Variants in CSRNP3 observed in about 807,000 individuals in gnomAD.
CSRNP3 encodes the protein cysteine and serine rich nuclear protein 3.
In CSRNP3, 12 loss-of-function variants were observed where a neutral mutation model predicts 48.0. The observed-to-expected ratio is 0.25, with a 90% CI of 0.16 to 0.41. CSRNP3 has a LOEUF of 0.41. Ranked by LOEUF, CSRNP3 falls within the 10% of genes least tolerant of loss-of-function variation. The pLI is 1.00. For synonymous variants in CSRNP3, 263 were observed against 269.7 expected (o/e 0.98, Z 0.24); for missense variants, 580 against 724.4 (o/e 0.80, Z 2.29).
chr2:165,568,551 GAAT>G (rs1441429531), intron 3 of CSRNP3, among the ~76,000 whole-genome samples: 11 of 152,080 alleles, frequency 7.2e-5, no homozygotes, highest in Non-Finnish European at 1.6e-4. Context: ...TCAGGGCAGT[GAAT>G]CCTCTTACAT....
intron 4 of CSRNP3, among the ~76,000 whole-genome samples, chr2:165,607,073 A>G (rs1573914376): frequency 6.6e-6 from 1 of 152,266 alleles, no homozygotes; most frequent in East Asian, 1.9e-4. Context: ...AATAGTTTAT[A>G]GTTTTTAAAT....
intron 6 of CSRNP3, 83 bp downstream of exon 6, chr2:165,676,691 A>G: frequency 7.8e-7 from 1 of 1,289,076 alleles, no homozygotes; most frequent in Non-Finnish European, 1.1e-6. Flanking sequence ...CCTATAATGA[A>G]GCTTCCCACA....
At chr2:165,542,385 G>T (rs1286109766) in intron 3 of CSRNP3, among the ~76,000 whole-genome samples, 25 of 152,098 alleles carry the variant, frequency 1.6e-4, no homozygotes, top group Admixed American at 1.6e-3. Context: ...TGTCAGCATT[G>T]GTGAAGATGC....
chr2:165,539,242 C>CAT (rs1684921978), intron 3 of CSRNP3, among the ~76,000 whole-genome samples: 1 of 151,866 alleles, frequency 6.6e-6, no homozygotes, highest in South Asian at 2.1e-4. Context: ...TACTCTGTGG[C>CAT]TTCATGTAAG....
At position 165,665,631 on chromosome 2, in the gene CSRNP3, G is replaced by A. The variant is rs539863274; in HGVS notation, c.408+7611G>A. 2.1e-3 allele frequency among the ~76,000 whole-genome samples: 322 copies of A among 152,106 alleles called. 2 individuals are homozygous for A. Among genetic ancestry groups the A allele is most frequent in the Non-Finnish European group, 3.9e-3 (265 of 67,990 alleles). On this transcript the variant is annotated intron_variant, in intron 5 of 6. Coordinates refer to ENST00000651982, the MANE Select transcript of CSRNP3 (RefSeq NM_001172173.2). Reference sequence around the variant, plus strand: ...TTAAAATTTAGCTGGGCAGTTGCATGTGCCTGTAGTCCCAGCTACTTGGAA... The same window carrying A: ...TTAAAATTTAGCTGGGCAGTTGCATATGCCTGTAGTCCCAGCTACTTGGAA...
chr2:165,631,242 G>T (rs533552682), intron 4 of CSRNP3, among the ~76,000 whole-genome samples: 2 of 152,220 alleles, frequency 1.3e-5, no homozygotes, highest in South Asian at 4.2e-4. Flanking sequence ...ATTGACTAGG[G>T]GCTAGAGACA....
chr2:165,629,600 G>A (rs1418118001), intron 4 of CSRNP3, among the ~76,000 whole-genome samples: 3 of 152,212 alleles, frequency 2.0e-5, no homozygotes, highest in Admixed American at 2.0e-4. Context: ...TTGGTTACTT[G>A]TTGGACCAGA....
chr2:165,494,518 A>G (rs1684261388), intron 1 of CSRNP3, among the ~76,000 whole-genome samples: 1 of 152,226 alleles, frequency 6.6e-6, no homozygotes. Context: ...TGCAGCAAAT[A>G]TATTCATATT....
chr2:165,631,519 G>A (rs1558956385), intron 4 of CSRNP3, among the ~76,000 whole-genome samples: 1 of 152,070 alleles, frequency 6.6e-6, no homozygotes, highest in Non-Finnish European at 1.5e-5. Flanking sequence ...TGCCTTTATA[G>A]CAGCCAATGG....
chr2:165,527,502 G>A (rs557730050), intron 3 of CSRNP3, among the ~76,000 whole-genome samples: 2 of 152,020 alleles, frequency 1.3e-5, no homozygotes, highest in East Asian at 1.9e-4. Flanking sequence ...ACCGTGCCCG[G>A]CCACTATTTG....
chr2:165,555,009 C>T (rs1444267500), intron 3 of CSRNP3, among the ~76,000 whole-genome samples: 1 of 152,164 alleles, frequency 6.6e-6, no homozygotes, highest in Non-Finnish European at 1.5e-5. Context: ...AGATCCTTTG[C>T]ATTTGCTATT....
intron 4 of CSRNP3, among the ~76,000 whole-genome samples, chr2:165,604,296 C>T (rs897617423): frequency 6.6e-6 from 1 of 152,172 alleles, no homozygotes; most frequent in Non-Finnish European, 1.5e-5. Flanking sequence ...GTGTATACTT[C>T]TTGCTACCTG....
At chr2:165,613,389 CT>C (rs1686172753) in intron 4 of CSRNP3, among the ~76,000 whole-genome samples, 1 of 152,096 alleles carries the variant, frequency 6.6e-6, no homozygotes, top group South Asian at 2.1e-4. Flanking sequence ...TGTGCACAAG[CT>C]TTTTATCCTG....
chr2:165,617,531 G>A (rs1686268098), intron 4 of CSRNP3, among the ~76,000 whole-genome samples: 1 of 152,158 alleles, frequency 6.6e-6, no homozygotes, highest in Admixed American at 6.5e-5. Flanking sequence ...ACAATCCTCA[G>A]GCCCCTAGGT....
intron 4 of CSRNP3, among the ~76,000 whole-genome samples, chr2:165,616,819 T>C (rs1686252087): frequency 6.6e-6 from 1 of 152,210 alleles, no homozygotes. Flanking sequence ...GGTCATTTGA[T>C]GTTTTCCCAC....
At chr2:165,634,162 A>C (rs1041777650) in intron 4 of CSRNP3, among the ~76,000 whole-genome samples, 1 of 152,082 alleles carries the variant, frequency 6.6e-6, no homozygotes, top group African/African-American at 2.4e-5. Context: ...CACATGGCAA[A>C]ACCCCGTCTC....
At chr2:165,477,875 G>A (rs749086252) in intron 1 of CSRNP3, among the ~76,000 whole-genome samples, 1 of 152,024 alleles carries the variant, frequency 6.6e-6, no homozygotes, top group African/African-American at 2.4e-5. Flanking sequence ...TACCTGGGAG[G>A]CCAAGGCAGG....
chr2:165,669,263 T>C (rs1217770522), intron 5 of CSRNP3, among the ~76,000 whole-genome samples: 2 of 152,244 alleles, frequency 1.3e-5, no homozygotes, highest in African/African-American at 2.4e-5. Context: ...TTTTAAGTGC[T>C]AAAAAGAAGT....
In CSRNP3 at chr2:165,544,493, A is replaced by T. The variant is rs1420480199; in HGVS notation, c.-24+26532A>T. Among the ~76,000 whole-genome samples the T allele has an allele frequency of 2.6e-5, 4 of 152,176 alleles. No homozygotes were observed. The East Asian group carries it at 5.8e-4, about 22-fold the overall frequency. On this transcript the variant is annotated intron_variant, in intron 3 of 6. Coordinates refer to ENST00000651982, the MANE Select transcript of CSRNP3 (RefSeq NM_001172173.2). Reference sequence around the variant, plus strand: ...TGATCTGACTTAGATATTTAAAAGGATCTACCTGGCAACTGTGTTAAAAGT... The same window carrying T: ...TGATCTGACTTAGATATTTAAAAGGTTCTACCTGGCAACTGTGTTAAAAGT...
Sources: gnomAD v4.1 joint callset for allele counts (sites outside exome capture counted in the v4.1 genomes callset) on GRCh38, gnomAD v4.1.1 for gene constraint, MANE v1.5 for transcripts, NCBI Gene and HGNC (gene_info 2026-07-23, HGNC 2026-07-21) for gene names.